Variants in HSD17B12 observed in about 807,000 individuals in gnomAD.
The protein encoded by HSD17B12 is hydroxysteroid 17-beta dehydrogenase 12.
Under a neutral mutation model 39.3 loss-of-function variants are expected in HSD17B12, and 32 were observed. The observed-to-expected ratio is 0.81, with a 90% CI of 0.61 to 1.09. The LOEUF is 1.09. HSD17B12 is among the 50% of genes least tolerant of loss of function. The pLI, the probability that HSD17B12 is intolerant of heterozygous loss-of-function variation, is 0.00. For synonymous variants in HSD17B12, 150 were observed against 146.7 expected (o/e 1.02, Z -0.16); for missense variants, 342 against 382.9 (o/e 0.89, Z 0.89).
At chr11:43,810,495 G>A (rs1951062430) in intron 4 of HSD17B12, among the ~76,000 whole-genome samples, 1 of 151,874 alleles carries the variant, frequency 6.6e-6, no homozygotes, top group Non-Finnish European at 1.5e-5. Context: ...GGGGGCCGAG[G>A]AGAGCGTAGC....
At chr11:43,747,803 G>A (rs189646980) in intron 1 of HSD17B12, among the ~76,000 whole-genome samples, 1 of 152,210 alleles carries the variant, frequency 6.6e-6, no homozygotes, top group African/African-American at 2.4e-5. Flanking sequence ...TTAGATCTAA[G>A]TGACTGTACT....
At chr11:43,577,175 G>A in the HSD17B12 span, among the ~76,000 whole-genome samples, 1 of 152,338 alleles carries the variant, frequency 6.6e-6, no homozygotes, top group African/African-American at 2.4e-5. Context: ...GATAGGTGCT[G>A]AAAATGCCTT....
intron 1 of HSD17B12, among the ~76,000 whole-genome samples, chr11:43,723,170 A>G (rs1199842107): frequency 6.6e-6 from 1 of 152,188 alleles, no homozygotes; most frequent in Non-Finnish European, 1.5e-5. Flanking sequence ...GAGGTTTGCA[A>G]CTCTTAGAAT....
intron 1 of HSD17B12, among the ~76,000 whole-genome samples, chr11:43,734,745 G>A (rs1367607743): frequency 6.6e-6 from 1 of 152,166 alleles, no homozygotes; most frequent in Admixed American, 6.5e-5. Context: ...AAAATGGGGG[G>A]GCAGGGTTAA....
chr11:43,565,662 G>A, the HSD17B12 span, among the ~76,000 whole-genome samples: 1 of 152,228 alleles, frequency 6.6e-6, no homozygotes, highest in Non-Finnish European at 1.5e-5. Context: ...AGCTGTCCCA[G>A]CTGTCAGTCT....
At chr11:43,722,543 C>T (rs1410358959) in intron 1 of HSD17B12, among the ~76,000 whole-genome samples, 2 of 152,122 alleles carry the variant, frequency 1.3e-5, no homozygotes, top group African/African-American at 4.8e-5. Context: ...GAGCTCTTGT[C>T]TCTACAAAAA....
chr11:43,823,510 A>G (rs930446322), intron 6 of HSD17B12, among the ~76,000 whole-genome samples: 1 of 152,002 alleles, frequency 6.6e-6, no homozygotes, highest in Non-Finnish European at 1.5e-5. Context: ...GCCTCAAGCG[A>G]TCCTCCTGCC....
chr11:43,663,256 C>G, the HSD17B12 span, among the ~76,000 whole-genome samples: 2 of 152,076 alleles, frequency 1.3e-5, no homozygotes, highest in Admixed American at 1.3e-4. Context: ...TGTGCCACCA[C>G]GCCCAGCTAA....
the HSD17B12 span, among the ~76,000 whole-genome samples, chr11:43,589,181 C>A: frequency 6.6e-6 from 1 of 151,836 alleles, no homozygotes; most frequent in Admixed American, 6.6e-5. Context: ...TTTCCTTTTC[C>A]CGCATATTTA....
chr11:43,646,468 C>T, the HSD17B12 span: 8 of 152,146 alleles, frequency 5.3e-5, no homozygotes, highest in Admixed American at 6.5e-5. Context: ...TTAGGAAGAC[C>T]GGATGGCTAG....
the HSD17B12 span, among the ~76,000 whole-genome samples, chr11:43,593,824 T>C: frequency 6.6e-6 from 1 of 152,094 alleles, no homozygotes. Context: ...AATCTGACTA[T>C]GGGAAAGTAA....
intron 7 of HSD17B12, 127 bp from the exon 8 acceptor site, chr11:43,838,190 G>T: frequency 1.5e-6 from 1 of 687,040 alleles, no homozygotes; most frequent in South Asian, 1.7e-5. Context: ...GAAAGGCAGG[G>T]AGAGATATGT....
intron 1 of HSD17B12, among the ~76,000 whole-genome samples, chr11:43,737,110 A>G (rs542788603): frequency 1.2e-4 from 19 of 152,182 alleles, no homozygotes; most frequent in South Asian, 6.2e-4. Context: ...TTCGGGGGGA[A>G]AAAAGAGTCA....
intron 3 of HSD17B12, among the ~76,000 whole-genome samples, chr11:43,776,175 C>G (rs1215527961): frequency 6.6e-6 from 1 of 152,016 alleles, no homozygotes. Context: ...CCTGAGGAAT[C>G]GCCACACTGA....
the HSD17B12 span, among the ~76,000 whole-genome samples, chr11:43,674,948 C>T: frequency 1.3e-5 from 2 of 152,300 alleles, no homozygotes; most frequent in East Asian, 1.9e-4. Context: ...GTACGTATTA[C>T]AATTTTTATC....
intron 1 of HSD17B12, among the ~76,000 whole-genome samples, chr11:43,736,342 ATTG>A (rs1342250627): frequency 6.7e-6 from 1 of 150,298 alleles, no homozygotes. Context: ...AATTTTTGTT[ATTG>A]TTGTTGTTTG....
chr11:43,788,552 T>A (rs1565089912), intron 3 of HSD17B12, among the ~76,000 whole-genome samples: 1 of 152,088 alleles, frequency 6.6e-6, no homozygotes, highest in African/African-American at 2.4e-5. Context: ...CTCTTCCCAC[T>A]GCTGTCTCTC....
the HSD17B12 span, among the ~76,000 whole-genome samples, chr11:43,613,420 C>CA: frequency 1.1e-4 from 16 of 149,114 alleles, no homozygotes; most frequent in South Asian, 2.1e-4. Flanking sequence ...ACAACAACAA[C>CA]AAAAAAAAAC....
chr11:43,789,609 G>T (rs1040196857), intron 3 of HSD17B12, among the ~76,000 whole-genome samples: 1 of 152,142 alleles, frequency 6.6e-6, no homozygotes, highest in Admixed American at 6.5e-5. Context: ...TAGAGTACTG[G>T]GAATTTTGTA....
Sources: allele counts gnomAD v4.1 joint callset (sites outside exome capture counted in the v4.1 genomes callset), GRCh38; gene constraint gnomAD v4.1.1; transcripts MANE v1.5; gene names NCBI Gene and HGNC (gene_info 2026-07-23, HGNC 2026-07-21).